The following DPP6 variants were observed in gnomAD, a reference collection of about 807,000 sequenced individuals.
DPP6 encodes dipeptidyl peptidase like 6, also known as A-type potassium channel modulatory protein DPP6.
A neutral mutation model predicts 122.6 loss-of-function variants in DPP6; 69 were observed. The observed-to-expected ratio is 0.56, with a 90% CI of 0.46 to 0.69. DPP6 has a LOEUF of 0.69. Ranked by LOEUF, DPP6 falls within the 30% of genes least tolerant of loss-of-function variation. The probability of loss-of-function intolerance (pLI) is 0.00; values close to 1 mark genes in which losing one functional copy is unlikely to be tolerated. For missense variants in DPP6, 928 were observed against 1,116.9 expected (o/e 0.83, Z 2.41); for synonymous variants, 418 against 433.1 (o/e 0.97, Z 0.43).
chr7:154,284,837 A>T (rs1168729910), intron 1 of DPP6, among the ~76,000 whole-genome samples: 2 of 152,236 alleles, frequency 1.3e-5, no homozygotes, highest in African/African-American at 4.8e-5. Flanking sequence ...CCTGGGTGAC[A>T]GAGCGAGACT....
At chr7:154,598,302 G>A (rs552844820) in intron 5 of DPP6, among the ~76,000 whole-genome samples, 26 of 152,232 alleles carry the variant, frequency 1.7e-4, no homozygotes, top group African/African-American at 5.5e-4. Flanking sequence ...AAGGAAAACC[G>A]TTTTGGAAGG....
intron 8 of DPP6, among the ~76,000 whole-genome samples, chr7:154,768,425 C>T (rs932572810): frequency 7.9e-5 from 12 of 152,138 alleles, no homozygotes; most frequent in Non-Finnish European, 8.8e-5. Flanking sequence ...ATTTATGGTA[C>T]GCACCTAATA....
At chr7:154,554,994 A>G (rs1191330677) in intron 4 of DPP6, among the ~76,000 whole-genome samples, 4 of 152,204 alleles carry the variant, frequency 2.6e-5, no homozygotes. Context: ...AAGAATAAAT[A>G]ATTGCTTAAA....
chr7:153,987,788 A>G (rs1796925308), intron 1 of DPP6, among the ~76,000 whole-genome samples: 1 of 152,086 alleles, frequency 6.6e-6, no homozygotes, highest in Admixed American at 6.5e-5. Context: ...TATAGAGTTC[A>G]GTATGCAGGT....
the DPP6 span, among the ~76,000 whole-genome samples, chr7:153,818,696 T>C: frequency 6.6e-6 from 1 of 151,674 alleles, no homozygotes; most frequent in South Asian, 2.1e-4. Flanking sequence ...AGGCTGGTGG[T>C]GAGCTCTGGG....
chr7:154,527,638 T>A (rs1827511587), intron 3 of DPP6, among the ~76,000 whole-genome samples: 1 of 152,184 alleles, frequency 6.6e-6, no homozygotes, highest in African/African-American at 2.4e-5. Context: ...TTGTGTATAC[T>A]CTTTGTTTCA....
chr7:154,231,798 C>T (rs1021080141), intron 1 of DPP6, among the ~76,000 whole-genome samples: 17 of 152,206 alleles, frequency 1.1e-4, no homozygotes, highest in South Asian at 4.1e-4. Context: ...GCCACCACTG[C>T]GGGCTTCCCC....
At chr7:154,124,920 T>G (rs1807767215) in intron 1 of DPP6, among the ~76,000 whole-genome samples, 1 of 152,156 alleles carries the variant, frequency 6.6e-6, no homozygotes. Flanking sequence ...TGGAAATGAA[T>G]GACCACACCT....
At chr7:153,955,721 G>A (rs1168650685) in intron 1 of DPP6, among the ~76,000 whole-genome samples, 2 of 152,202 alleles carry the variant, frequency 1.3e-5, no homozygotes, top group Non-Finnish European at 2.9e-5. Flanking sequence ...TTACAGGCGT[G>A]AGTCACTGCG....
intron 1 of DPP6, among the ~76,000 whole-genome samples, chr7:154,171,308 A>T (rs1333015905): frequency 6.6e-6 from 1 of 152,154 alleles, no homozygotes; most frequent in Non-Finnish European, 1.5e-5. Flanking sequence ...TAGGCTTGGG[A>T]ACTCTGGGAG....
chr7:154,221,078 C>A (rs971506397), intron 1 of DPP6, among the ~76,000 whole-genome samples: 2 of 152,042 alleles, frequency 1.3e-5, no homozygotes, highest in African/African-American at 4.8e-5. Flanking sequence ...TTAGGCCTCA[C>A]CCTCGTTATT....
intron 1 of DPP6, among the ~76,000 whole-genome samples, chr7:153,929,819 C>G (rs1042802531): frequency 8.5e-5 from 13 of 152,130 alleles, no homozygotes; most frequent in African/African-American, 3.1e-4. Context: ...GGTGAATTTT[C>G]ATAAAGGTAT....
At chr7:153,827,628 G>A in the DPP6 span, among the ~76,000 whole-genome samples, 1 of 152,096 alleles carries the variant, frequency 6.6e-6, no homozygotes, top group South Asian at 2.1e-4. Flanking sequence ...ACCAAGGAAT[G>A]GGCAATCTAA....
chr7:153,768,694 T>G, the DPP6 span, among the ~76,000 whole-genome samples: 1 of 152,294 alleles, frequency 6.6e-6, no homozygotes, highest in Middle Eastern at 3.4e-3. Context: ...AGCTCAGTTA[T>G]CTGTCTTTTG....
chr7:154,464,778 G>A (rs1280127588), intron 2 of DPP6, among the ~76,000 whole-genome samples: 1 of 152,086 alleles, frequency 6.6e-6, no homozygotes, highest in African/African-American at 2.4e-5. Context: ...GAAATAAACT[G>A]TCCTTGTTAC....
At chr7:154,738,979 A>G (rs1314220531) in intron 8 of DPP6, among the ~76,000 whole-genome samples, 2 of 152,034 alleles carry the variant, frequency 1.3e-5, no homozygotes, top group Non-Finnish European at 2.9e-5. Flanking sequence ...TAGATCAGGG[A>G]TGGGGAGGAG....
chr7:154,147,446 T>TTTCCTTCCTTCCTTCC lies in DPP6; in HGVS notation c.243+94414_243+94429dup, dbSNP rs200682495. On this transcript the variant is annotated intron_variant, in intron 1 of 25. Transcript: ENST00000377770. The stretch of plus-strand genomic sequence containing the variant: ...GGAGGTTTTACTTTCACTTTATTCA[T>TTTCCTTCCTTCCTTCC]TTCCTTCCTTCCTTCCTTCCTTCCT... Among the ~76,000 whole-genome samples the TTTCCTTCCTTCCTTCC allele has an allele frequency of 3.2e-3, 451 of 143,058 alleles. 1 individual carries two copies. Among genetic ancestry groups the TTTCCTTCCTTCCTTCC allele is most frequent in the African/African-American group, 0.01 (391 of 37,708 alleles). The allele number at this position is 143,058 out of a possible 152,430, so 93.9% of individuals were successfully genotyped here.
chr7:154,102,571 G>A (rs1036377462), intron 1 of DPP6, among the ~76,000 whole-genome samples: 3 of 152,024 alleles, frequency 2.0e-5, no homozygotes, highest in African/African-American at 2.4e-5. Context: ...TTCCATGTGC[G>A]TTTTTCCTTG....
At chr7:154,500,320 A>T (rs960100894) in intron 3 of DPP6, among the ~76,000 whole-genome samples, 6 of 152,186 alleles carry the variant, frequency 3.9e-5, no homozygotes, top group African/African-American at 1.4e-4. Context: ...TAAAATGATG[A>T]CTTTTGTTAT....
Sources: gnomAD v4.1 joint callset for allele counts (sites outside exome capture counted in the v4.1 genomes callset) on GRCh38, gnomAD v4.1.1 for gene constraint, MANE v1.5 for transcripts, NCBI Gene and HGNC (gene_info 2026-07-23, HGNC 2026-07-21) for gene names.